ACOX3: variants seen among roughly 807,000 people sequenced by gnomAD.
The protein encoded by ACOX3 is peroxisomal acyl-coenzyme A oxidase 3.
In ACOX3, 73 loss-of-function variants were observed where a neutral mutation model predicts 81.5. The ratio of observed to expected loss-of-function variants is 0.90; its 90% CI spans 0.74 to 1.09. ACOX3 has a LOEUF of 1.09. Among genes scored for constraint, ACOX3 ranks in the 50% least tolerant of loss-of-function variants. ACOX3 has a pLI of 0.00. For synonymous variants in ACOX3, 387 were observed against 375.1 expected, an observed-to-expected ratio of 1.03 and a Z score of -0.37; for missense variants, 947 against 928.0, an observed-to-expected ratio of 1.02 and a Z score of -0.27.
rs938401041 is a variant in ACOX3 at position 8,368,098 on chromosome 4, GCT to G, written c.1984-1020_1984-1019del. 6.6e-6 allele frequency among the ~76,000 whole-genome samples: 1 copy of G among 152,206 alleles called. No homozygotes were observed. The highest frequency in any genetic ancestry group is 2.4e-5 in the African/African-American group (1 of 41,456). Reference sequence around the variant, plus strand: ...TGCATCGACTGCTGCTCTGAAATCTGCTCTCACACCCCAGGCCGCTACAGGCC... The same window carrying G: ...TGCATCGACTGCTGCTCTGAAATCTGCTCACACCCCAGGCCGCTACAGGCC... On this transcript the variant is annotated intron_variant, in intron 17 of 17. Coordinates refer to ENST00000356406, the MANE Select transcript of ACOX3 (RefSeq NM_003501.3). The surrounding 1 kb of genome is among the most constrained non-coding windows in gnomAD (Gnocchi z 5.9).
Position 8,406,103 on chromosome 4 carries a change from CA to C in ACOX3, c.688-61del. The C allele has an allele frequency of 6.5e-7, 1 of 1,546,364 alleles. No homozygotes were observed. The highest frequency in any genetic ancestry group is 2.2e-5 in the East Asian group (1 of 44,530). ...TGTTACAATCACACAAAAATCAAAA[CA>C]AATGTGTTCAGAAACCCACAGGGTG... On this transcript the variant is annotated intron_variant, in intron 6 of 17. Coordinates refer to ENST00000356406, the MANE Select transcript of ACOX3 (RefSeq NM_003501.3). The surrounding 1 kb of genome is among the most constrained non-coding windows in gnomAD (Gnocchi z 5.6).
chr4:8,392,277 G>C (rs1719085760), intron 11 of ACOX3, 56 bp downstream of exon 11: 4 of 1,396,616 alleles, frequency 2.9e-6, no homozygotes, highest in Non-Finnish European at 1.9e-6. Context: ...CCCTGGTCTA[G>C]AGTCAAACAG....
chr4:8,397,620 A>C (rs1412475637), intron 8 of ACOX3, among the ~76,000 whole-genome samples: 3 of 152,176 alleles, frequency 2.0e-5, no homozygotes, highest in African/African-American at 7.2e-5. Flanking sequence ...TCTTCCGTCC[A>C]CTATCTCCTC....
At chr4:8,387,967 A>G (rs1447282392) in intron 13 of ACOX3, among the ~76,000 whole-genome samples, 1 of 152,186 alleles carries the variant, frequency 6.6e-6, no homozygotes, top group African/African-American at 2.4e-5. Flanking sequence ...TTTTCCCATG[A>G]GGAACATTTT....
Position 8,414,163 on chromosome 4 carries a change from T to C in ACOX3, c.543+129A>G. On this transcript the variant is annotated intron_variant, in intron 5 of 17. Coordinates refer to ENST00000356406, the MANE Select transcript of ACOX3 (RefSeq NM_003501.3). This position sits in a 1 kb window ranked among gnomAD's most constrained non-coding sequence, Gnocchi z 6.1. Reference sequence around the variant, plus strand: ...AGTGTGATGAATCTCAGTGGGTATTTCTACACAAGTGTATGTGGACAGGCC... The same window carrying C: ...AGTGTGATGAATCTCAGTGGGTATTCCTACACAAGTGTATGTGGACAGGCC... 1.3e-6 allele frequency: 1 copy of C among 782,664 alleles called. No homozygotes were observed. The highest frequency in any genetic ancestry group is 1.7e-5 in the South Asian group (1 of 59,788). 48.5% of individuals were successfully genotyped at this position (782,664 alleles called of 1,614,324 possible).
chr4:8,422,378 T>A (rs562496096), intron 1 of ACOX3, among the ~76,000 whole-genome samples: 5 of 152,344 alleles, frequency 3.3e-5, no homozygotes, highest in African/African-American at 1.2e-4. Flanking sequence ...CAATACCACT[T>A]TGTTGTCAGT....
rs1006547941 is a variant in ACOX3, at chr4:8,386,942, G to C, written c.1537+2231C>G. Among the ~76,000 whole-genome samples the C allele has an allele frequency of 2.0e-5, 3 of 152,230 alleles. No individual in the cohort carries two copies. The highest frequency in any genetic ancestry group is 4.4e-5 in the Non-Finnish European group (3 of 68,036). Reference sequence around the variant, plus strand: ...CGGCGTCGGTCCTGATGGCTGGAACGCGTCCTCCATGTGTGCCTGTCCCCT... The same window carrying C: ...CGGCGTCGGTCCTGATGGCTGGAACCCGTCCTCCATGTGTGCCTGTCCCCT... On this transcript the variant is annotated intron_variant, in intron 13 of 17. Coordinates refer to ENST00000356406, the MANE Select transcript of ACOX3 (RefSeq NM_003501.3). The surrounding 1 kb of genome is among the most constrained non-coding windows in gnomAD (Gnocchi z 5.2).
Position 8,416,661 on chromosome 4 carries a change from CA to C in ACOX3, c.-14-127del. The C allele has an allele frequency of 9.2e-7, 1 of 1,089,028 alleles. No individual in the cohort carries two copies. The highest frequency in any genetic ancestry group is 1.3e-6 in the Non-Finnish European group (1 of 790,048). The allele number at this position is 1,089,028 out of a possible 1,614,324, so 67.5% of individuals were successfully genotyped here. A position where few individuals can be genotyped will look rare whatever the true frequency, so the allele number is the denominator to read the frequency against. On this transcript the variant is annotated intron_variant, in intron 1 of 17. Transcript: ENST00000356406. The surrounding 1 kb of genome is among the most constrained non-coding windows in gnomAD (Gnocchi z 4.2). ...GTAAACTTGAAATCCAAAAGGATGG[CA>C]AAAGAGAATCACTCTGTGAATGGCT...
rs1715783666 is a variant in ACOX3 at position 8,368,755 on chromosome 4, G to T, written c.1984-1675C>A. On this transcript the variant is annotated intron_variant, in intron 17 of 17. Coordinates refer to ENST00000356406, the MANE Select transcript of ACOX3 (RefSeq NM_003501.3). This position sits in a 1 kb window ranked among gnomAD's most constrained non-coding sequence, Gnocchi z 5.9. ...CTTTTTTTTTTTTTTTTGAGATGAG[G>T]TCTCACCCTGTTGGCCAGGCTGGAG... Among the ~76,000 whole-genome samples the T allele has an allele frequency of 6.7e-6, 1 of 150,254 alleles. No homozygotes were observed. The highest frequency in any genetic ancestry group is 1.5e-5 in the Non-Finnish European group (1 of 67,676).
intron 14 of ACOX3, among the ~76,000 whole-genome samples, chr4:8,379,497 AC>A (rs1241313180): frequency 6.6e-6 from 1 of 151,706 alleles, no homozygotes; most frequent in Non-Finnish European, 1.5e-5. Flanking sequence ...AGAACCCAGG[AC>A]CCCTCCTGGC....
In ACOX3 at chr4:8,396,968, T is replaced by C; in HGVS notation, c.1025A>G (p.Glu342Gly). ...TGGATACTCAAGCACTGGTATTTCCTCCTCCTCTGTGGGTCCAAACTGACG... is the reference window on the plus strand; with the variant it reads ...TGGATACTCAAGCACTGGTATTTCCCCCTCCTCTGTGGGTCCAAACTGACG... ...TRRQFGPTEE[E>G]EIPVLEYPMQ... The change falls in exon 9 of 18, where the codon GAG (glutamate) becomes GGG (glycine). Residue 342 changes from glutamate (E) to glycine (G), a missense_variant. By Grantham distance (98) the Glu-to-Gly change is moderately conservative (BLOSUM62 -2). Transcript: ENST00000356406. The C allele has an allele frequency of 6.2e-7, 1 of 1,612,262 alleles. No individual in the cohort carries two copies. The highest frequency in any genetic ancestry group is 1.3e-5 in the African/African-American group (1 of 74,940).
At chr4:8,412,575 A>C (rs1721845841) in intron 5 of ACOX3, among the ~76,000 whole-genome samples, 1 of 152,200 alleles carries the variant, frequency 6.6e-6, no homozygotes, top group Admixed American at 6.5e-5. Context: ...TGGATGAAAG[A>C]ATGATGGATG....
intron 6 of ACOX3, among the ~76,000 whole-genome samples, chr4:8,409,839 G>T (rs1483156562): frequency 6.6e-6 from 1 of 151,404 alleles, no homozygotes; most frequent in African/African-American, 2.4e-5. Flanking sequence ...TCTGCACTGT[G>T]GGCAGAGCTG....
the ACOX3 span, chr4:8,356,891 A>C: frequency 4.4e-6 from 2 of 455,888 alleles, no homozygotes; most frequent in African/African-American, 4.0e-5. Context: ...GGGGAGAGGA[A>C]GAAAGTGTGC....
intron 14 of ACOX3, 78 bp from the exon 15 acceptor site, chr4:8,375,230 A>G: frequency 7.1e-7 from 1 of 1,402,176 alleles, no homozygotes; most frequent in East Asian, 2.5e-5. Flanking sequence ...AGTTCTCAGG[A>G]AACACGAACG....
At position 8,419,433 on chromosome 4, in the gene ACOX3, C is replaced by CA. The variant is rs112647211; in HGVS notation, c.-14-2899dup. On this transcript the variant is annotated intron_variant, in intron 1 of 17. Transcript: ENST00000356406. This position sits in a 1 kb window ranked among gnomAD's most constrained non-coding sequence, Gnocchi z 4.2. ...TGGGTGACAGAGTGAAACTCTGTCTCAAAAAAAAAAAGAAAAAAAGAAAAA... is the reference window on the plus strand; with the variant it reads ...TGGGTGACAGAGTGAAACTCTGTCTCAAAAAAAAAAAAGAAAAAAAGAAAAA... Among the ~76,000 whole-genome samples, 5,315 of 111,226 alleles carry CA rather than the reference C, an allele frequency of 0.048. 306 individuals are homozygous for CA. Among genetic ancestry groups the CA allele is most frequent in the African/African-American group, 0.16 (4,879 of 31,182 alleles). The allele number at this position is 111,226 out of a possible 152,430, so 73.0% of individuals were successfully genotyped here.
intron 5 of ACOX3, among the ~76,000 whole-genome samples, chr4:8,413,205 T>C (rs1423126764): frequency 0.013 from 394 of 29,736 alleles, no homozygotes; most frequent in Middle Eastern, 0.056. Flanking sequence ...CACCCCTCCA[T>C]AGTACTGACA....
rs1715764602 is a variant in ACOX3 at position 8,368,587 on chromosome 4, C to G, written c.1984-1507G>C. On this transcript the variant is annotated intron_variant, in intron 17 of 17. Transcript: ENST00000356406. The surrounding 1 kb of genome is among the most constrained non-coding windows in gnomAD (Gnocchi z 5.9). ...CTGCTCCACAGGGCCTAGGTTCCAG[C>G]TTATGTTTCACAGTTTGGAGCAGCG... 6.6e-6 allele frequency among the ~76,000 whole-genome samples: 1 copy of G among 152,242 alleles called. No homozygotes were observed. The highest frequency in any genetic ancestry group is 6.5e-5 in the Admixed American group (1 of 15,282).
intron 7 of ACOX3, among the ~76,000 whole-genome samples, chr4:8,404,065 C>T (rs1234344170): frequency 6.6e-6 from 1 of 152,216 alleles, no homozygotes; most frequent in African/African-American, 2.4e-5. Flanking sequence ...GTGCTTCCTA[C>T]ACCCCATTTC....
Sources: allele counts gnomAD v4.1 joint callset (sites outside exome capture counted in the v4.1 genomes callset), GRCh38; gene constraint gnomAD v4.1.1; non-coding constraint Gnocchi (gnomAD v3.1); transcripts MANE v1.5; gene names NCBI Gene and HGNC (gene_info 2026-07-23, HGNC 2026-07-21).